The following ZC3H11A variants were observed in gnomAD, a reference collection of about 807,000 sequenced individuals.
ZC3H11A encodes the protein zinc finger CCCH domain-containing protein 11A.
A neutral mutation model predicts 90.8 loss-of-function variants in ZC3H11A; 22 were observed. The ratio of observed to expected loss-of-function variants is 0.24; its 90% CI spans 0.17 to 0.35. ZC3H11A has a LOEUF of 0.35. Ranked by LOEUF, ZC3H11A falls within the 10% of genes least tolerant of loss-of-function variation. The pLI is 1.00. For missense variants in ZC3H11A, 701 were observed against 964.9 expected (o/e 0.73, Z 3.62); for synonymous variants, 294 against 339.8 (o/e 0.87, Z 1.48).
At chr1:203,807,919 T>C (rs996864705) in intron 2 of ZC3H11A, among the ~76,000 whole-genome samples, 3 of 152,028 alleles carry the variant, frequency 2.0e-5, no homozygotes, top group Admixed American at 2.0e-4. Flanking sequence ...TTTTTTAATT[T>C]AGTGTAGAAA....
chr1:203,832,701 A>G (rs2103057305), intron 9 of ZC3H11A, among the ~76,000 whole-genome samples: 1 of 152,312 alleles, frequency 6.6e-6, no homozygotes, highest in South Asian at 2.1e-4. Flanking sequence ...AAGCCTAATA[A>G]GGAATTATAG....
chr1:203,822,862 A>G (rs1679235750), intron 4 of ZC3H11A, among the ~76,000 whole-genome samples: 2 of 152,036 alleles, frequency 1.3e-5, no homozygotes, highest in African/African-American at 4.8e-5. Context: ...TCCCATCTGA[A>G]TGCCTGTCTC....
At chr1:203,812,337 C>G (rs946340769) in intron 2 of ZC3H11A, among the ~76,000 whole-genome samples, 4 of 152,132 alleles carry the variant, frequency 2.6e-5, no homozygotes, top group African/African-American at 7.2e-5. Flanking sequence ...CAAGTGTTCT[C>G]AGCATTTAGC....
intron 15 of ZC3H11A, 82 bp downstream of exon 15, chr1:203,850,108 A>G: frequency 7.7e-7 from 1 of 1,296,486 alleles, no homozygotes; most frequent in Non-Finnish European, 1.1e-6. Flanking sequence ...ACTTCCTGGC[A>G]ACAATTGGGT....
At chr1:203,841,222 A>G (rs949092551) in intron 12 of ZC3H11A, among the ~76,000 whole-genome samples, 2 of 150,506 alleles carry the variant, frequency 1.3e-5, no homozygotes, top group African/African-American at 4.9e-5. Context: ...TGGCAGGGTC[A>G]TAGGACAACA....
rs747947362 is a variant in ZC3H11A at position 203,847,448 on chromosome 1, T to C, written c.1307T>C (p.Ile436Thr). 34 of 1,613,626 alleles carry C rather than the reference T, an allele frequency of 2.1e-5. No homozygotes were observed. Among genetic ancestry groups the C allele is most frequent in the Non-Finnish European group, 2.7e-5 (32 of 1,179,854 alleles). The change falls in exon 13 of 18, where the codon ATT becomes ACT. Residue 436 changes from isoleucine (I) to threonine (T), a missense_variant. Ile to Thr is a moderately conservative substitution (Grantham distance 89). Around this residue, in one of 4 missense-constraint regions of ZC3H11A, gnomAD observed 530 missense variants for 696.2 expected, o/e 0.76. Transcript: ENST00000367210. ...KKDTTCIKLK[I>T]DSEIKKTVVL... The stretch of plus-strand genomic sequence containing the variant: ...GATACAACTTGCATCAAGCTAAAGA[T>C]TGATAGTGAAATTAAAAAAACAGTA...
intron 2 of ZC3H11A, chr1:203,805,621 T>G: frequency 1.5e-6 from 1 of 679,268 alleles, no homozygotes; most frequent in Non-Finnish European, 2.8e-6. Flanking sequence ...TGCAAATGTA[T>G]GAAGCAGGGA....
Position 203,799,935 on chromosome 1 carries a change from T to C in ZC3H11A, c.-1587-1640T>C, listed in dbSNP as rs1336735829. On this transcript the variant is annotated intron_variant, in intron 1 of 17. Transcript: ENST00000367210. ...AGAAGAGGTCTGTAATTATATGGAA[T>C]CTTCACCAGAGATCTGCCAAATTCC... The C allele has an allele frequency of 9.1e-6, 14 of 1,536,036 alleles. No homozygotes were observed. In the African/African-American group the frequency reaches 1.4e-4, roughly 15 times the overall value.
chr1:203,825,136 C>T (rs1469475909), intron 4 of ZC3H11A, among the ~76,000 whole-genome samples: 3 of 149,048 alleles, frequency 2.0e-5, no homozygotes, highest in Non-Finnish European at 4.5e-5. Context: ...GTGTGAGTTA[C>T]AGTGCTATTT....
chr1:203,838,673 G>T (rs940767319), intron 11 of ZC3H11A, among the ~76,000 whole-genome samples: 1 of 152,126 alleles, frequency 6.6e-6, no homozygotes, highest in South Asian at 2.1e-4. Flanking sequence ...TAAACAGGCC[G>T]GGCACGGTAG....
intron 5 of ZC3H11A, 71 bp from the exon 6 acceptor site, chr1:203,829,380 T>G: frequency 6.8e-7 from 1 of 1,478,130 alleles, no homozygotes. Flanking sequence ...TTTTCATAGG[T>G]GGTCAGGAAT....
At chr1:203,837,456 T>G (rs78861688) in intron 10 of ZC3H11A, among the ~76,000 whole-genome samples, 2 of 148,758 alleles carry the variant, frequency 1.3e-5, no homozygotes, top group Non-Finnish European at 3.0e-5. Context: ...TTGTCTCTCT[T>G]TTTTTTTTTT....
chr1:203,852,825 A>T lies in ZC3H11A; in HGVS notation c.*426A>T, dbSNP rs1329026557. 5.6e-6 allele frequency: 1 copy of T among 177,328 alleles called. No individual in the cohort carries two copies. Among genetic ancestry groups the T allele is most frequent in the African/African-American group, 2.4e-5 (1 of 41,616 alleles). 11.0% of individuals were successfully genotyped at this position (177,328 alleles called of 1,614,324 possible). A position where few individuals can be genotyped will look rare whatever the true frequency, so the allele number is the denominator to read the frequency against. On this transcript the variant is annotated 3_prime_UTR_variant, in exon 18 of 18. Coordinates refer to ENST00000367210, the MANE Select transcript of ZC3H11A (RefSeq NM_001376342.1). ...GAAATGGATGAAGACAGCTGCTACC[A>T]TTAAGGACCAAATTTTATGCTACCA...
intron 4 of ZC3H11A, among the ~76,000 whole-genome samples, chr1:203,825,254 CTA>C (rs1319376346): frequency 6.6e-6 from 1 of 152,044 alleles, no homozygotes; most frequent in Non-Finnish European, 1.5e-5. Flanking sequence ...GAACCCAACT[CTA>C]TTTCCCTTAG....
chr1:203,798,878 T>C (rs1271323665), intron 1 of ZC3H11A: 1 of 1,536,140 alleles, frequency 6.5e-7, no homozygotes, highest in South Asian at 1.2e-5. Flanking sequence ...AGACTTACTT[T>C]TTCACTAAGG....
intron 4 of ZC3H11A, among the ~76,000 whole-genome samples, chr1:203,822,612 C>G (rs770248754): frequency 6.6e-6 from 1 of 152,158 alleles, no homozygotes; most frequent in Non-Finnish European, 1.5e-5. Context: ...CCATTCTAGA[C>G]TGACCCTACA....
intron 10 of ZC3H11A, chr1:203,835,716 T>C: frequency 3.9e-6 from 1 of 256,554 alleles, no homozygotes; most frequent in Non-Finnish European, 8.4e-6. Flanking sequence ...GACTCTGGTT[T>C]TGTTTGGTTT....
chr1:203,837,841 A>G, intron 10 of ZC3H11A, 125 bp from the exon 11 acceptor site: 1 of 864,274 alleles, frequency 1.2e-6, no homozygotes, highest in Non-Finnish European at 1.8e-6. Flanking sequence ...AAGCTGGTGA[A>G]CAAACACGCC....
chr1:203,805,342 A>C (rs1571937325), intron 2 of ZC3H11A, among the ~76,000 whole-genome samples: 1 of 152,008 alleles, frequency 6.6e-6, no homozygotes, highest in Non-Finnish European at 1.5e-5. Context: ...CATGTTGGCC[A>C]GGCTGGTCTC....
Sources: gnomAD v4.1 joint callset for allele counts (sites outside exome capture counted in the v4.1 genomes callset) on GRCh38, gnomAD v4.1.1 for gene constraint, gnomAD v4.1.1 regional missense constraint, MANE v1.5 for transcripts, NCBI Gene and HGNC (gene_info 2026-07-23, HGNC 2026-07-21) for gene names.